ASB11: variants seen among roughly 807,000 people sequenced by gnomAD.
The protein encoded by ASB11 is ankyrin repeat and SOCS box containing 11, also known as ankyrin repeat and SOCS box protein 11.
Under a neutral mutation model 20.1 loss-of-function variants are expected in ASB11, and 17 were observed. That is an observed-to-expected ratio of 0.85 (90% CI 0.58 to 1.27). The LOEUF is 1.27. Ranked by LOEUF, ASB11 falls within the 50% of genes most tolerant of loss-of-function variation. The pLI, the probability that ASB11 is intolerant of heterozygous loss-of-function variation, is 0.00. For missense variants in ASB11, 259 were observed against 256.9 expected, an observed-to-expected ratio of 1.01 and a Z score of -0.06; for synonymous variants, 107 against 105.6, an observed-to-expected ratio of 1.01 and a Z score of -0.08.
intron 6 of ASB11, among the ~76,000 whole-genome samples, chrX:15,284,103 T>G (rs1367486023): frequency 2.8e-5 from 3 of 106,273 alleles, no homozygotes; most frequent in South Asian, 4.2e-4. Flanking sequence ...ATACAAAAAA[T>G]TAGCCGGGTG....
chrX:15,283,610 C>G lies in ASB11; in HGVS notation c.867G>C (p.Gln289His). 1 of 1,207,608 alleles carries G rather than the reference C, an allele frequency of 8.3e-7. No individual in the cohort carries two copies. The highest frequency in any genetic ancestry group is 1.1e-6 in the Non-Finnish European group (1 of 893,500). Residue 289 changes from glutamine to histidine, a missense_variant, in exon 7 of 7, where the codon CAG becomes CAC. Coordinates refer to ENST00000480796, the MANE Select transcript of ASB11 (RefSeq NM_080873.3). ...ACTTCCGGACACACAGGCGGCAGAG[C>G]TGGGAAAGAGCAGGTGGGCCTGAGA... The part of the protein sequence containing the change: ...LLREGPPALS[Q>H]LCRLCVRKCL...
chrX:15,313,260 G>A (rs1163186925), intron 1 of ASB11, among the ~76,000 whole-genome samples: 6 of 110,798 alleles, frequency 5.4e-5, no homozygotes, highest in African/African-American at 2.0e-4. Flanking sequence ...TTAGCCGGGC[G>A]TGGTGGCGTG....
At chrX:15,289,746 G>C in intron 4 of ASB11, 108 bp from the exon 5 acceptor site, 1 of 926,553 alleles carries the variant, frequency 1.1e-6, no homozygotes, top group Non-Finnish European at 1.5e-6. Context: ...TAGGTTGGCC[G>C]GGTGTGGTGG....
chrX:15,297,217 C>T (rs191807345), intron 3 of ASB11, among the ~76,000 whole-genome samples: 1 of 111,151 alleles, frequency 9.0e-6, no homozygotes, highest in East Asian at 2.8e-4. Flanking sequence ...GCGTGAACCC[C>T]GGCAGAGCTT....
intron 1 of ASB11, among the ~76,000 whole-genome samples, chrX:15,314,740 A>G (rs574200342): frequency 9.1e-6 from 1 of 109,662 alleles, no homozygotes; most frequent in African/African-American, 3.3e-5. Context: ...CAGGAGTGAC[A>G]GGGATATCTG....
At chrX:15,314,404 G>T in intron 1 of ASB11, 1 of 1,174,778 alleles carries the variant, frequency 8.5e-7, no homozygotes, top group African/African-American at 1.9e-5. Flanking sequence ...ATCCCCAAAA[G>T]AAATCTCTTT....
chrX:15,303,289 G>A (rs1475374700), intron 1 of ASB11, among the ~76,000 whole-genome samples: 1 of 110,941 alleles, frequency 9.0e-6, no homozygotes, highest in African/African-American at 3.3e-5. Flanking sequence ...ATTGGAAGGA[G>A]TATTGTCTTG....
intron 1 of ASB11, among the ~76,000 whole-genome samples, chrX:15,315,001 A>G (rs1445941940): frequency 8.9e-6 from 1 of 111,845 alleles, no homozygotes; most frequent in Non-Finnish European, 1.9e-5. Flanking sequence ...AAATACACAT[A>G]GCTTGCCACG....
intron 5 of ASB11, among the ~76,000 whole-genome samples, chrX:15,288,842 G>A (rs755326049): frequency 2.2e-4 from 24 of 109,862 alleles, no homozygotes; most frequent in African/African-American, 7.3e-4. Flanking sequence ...CTGAGGTCAC[G>A]CCATTGCACT....
chrX:15,312,466 G>A (rs763157339), intron 1 of ASB11, among the ~76,000 whole-genome samples: 26 of 33,690 alleles, frequency 7.7e-4, no homozygotes, highest in African/African-American at 1.3e-3. Flanking sequence ...ACAGCACAAA[G>A]AATGATATTT....
At chrX:15,302,034 G>T (rs924542368) in intron 2 of ASB11, among the ~76,000 whole-genome samples, 1 of 111,146 alleles carries the variant, frequency 9.0e-6, no homozygotes, top group African/African-American at 3.3e-5. Flanking sequence ...ATGTCACTTC[G>T]GAGATGAGGT....
intron 3 of ASB11, among the ~76,000 whole-genome samples, 169 bp downstream of exon 3, chrX:15,297,405 G>C (rs765661219): frequency 2.5e-4 from 28 of 112,066 alleles, no homozygotes; most frequent in Admixed American, 1.2e-3. Flanking sequence ...TTACACACAG[G>C]GGGGTAAGTT....
chrX:15,294,522 C>A (rs1920952836), intron 3 of ASB11, among the ~76,000 whole-genome samples: 1 of 110,925 alleles, frequency 9.0e-6, no homozygotes, highest in South Asian at 3.9e-4. Flanking sequence ...AGGCGTGCAC[C>A]ACCATGACCC....
At chrX:15,300,269 A>AT (rs1921024503) in intron 2 of ASB11, among the ~76,000 whole-genome samples, 1 of 111,804 alleles carries the variant, frequency 8.9e-6, no homozygotes, top group Non-Finnish European at 1.9e-5. Context: ...GCATGAGAAA[A>AT]TGGAGGAGTA....
rs924986827 is a variant in ASB11, at chrX:15,297,576, G to A, written c.367C>T (p.His123Tyr). The change falls in exon 3 of 7, where the codon CAC (histidine) becomes TAC (tyrosine). Residue 123 changes from histidine to tyrosine, a missense_variant and splice_region_variant. By Grantham distance (83) the His-to-Tyr change is moderately conservative. Transcript: ENST00000480796. ...AAGTGGGCAGGGGCAGTACTCACGTGTGCACCATTTTCCAATAAGGCTTTG... is the reference window on the plus strand; with the variant it reads ...AAGTGGGCAGGGGCAGTACTCACGTATGCACCATTTTCCAATAAGGCTTTG... ...CAKALLENGA[H>Y]VNGVTVHGAT... The A allele has an allele frequency of 2.5e-6, 3 of 1,191,299 alleles. No individual in the cohort carries two copies. The highest frequency in any genetic ancestry group is 2.3e-6 in the Non-Finnish European group (2 of 884,830).
chrX:15,285,505 T>C (rs1927358984), intron 6 of ASB11, among the ~76,000 whole-genome samples: 1 of 111,015 alleles, frequency 9.0e-6, no homozygotes, highest in African/African-American at 3.3e-5. Flanking sequence ...CTAGGCCCTG[T>C]CCAGGATATC....
intron 1 of ASB11, 84 bp from the exon 2 acceptor site, chrX:15,302,891 G>A: frequency 3.4e-6 from 3 of 881,431 alleles, no homozygotes; most frequent in Non-Finnish European, 5.0e-6. Context: ...TGTGAGAGGA[G>A]GTTTGGGGGA....
chrX:15,304,023 CA>C (rs1256712941), intron 1 of ASB11, among the ~76,000 whole-genome samples: 1 of 112,936 alleles, frequency 8.9e-6, no homozygotes, highest in African/African-American at 3.2e-5. Context: ...CTCCAGTTTG[CA>C]AAATGTAGGA....
chrX:15,314,681 A>G, intron 1 of ASB11: 1 of 485,219 alleles, frequency 2.1e-6, no homozygotes, highest in African/African-American at 2.5e-5. Context: ...ACACGGGGAA[A>G]TTCTGAACTC....
Sources: gnomAD v4.1 joint callset for allele counts (sites outside exome capture counted in the v4.1 genomes callset) on GRCh38, gnomAD v4.1.1 for gene constraint, MANE v1.5 for transcripts, NCBI Gene and HGNC (gene_info 2026-07-23, HGNC 2026-07-21) for gene names.